The following SLC2A13 variants were observed in gnomAD, a reference collection of about 807,000 sequenced individuals.
The protein encoded by SLC2A13 is solute carrier family 2 member 13.
SLC2A13 carries 32 observed loss-of-function variants against 64.4 expected under a neutral mutation model. The observed-to-expected ratio is 0.50, with a 90% CI of 0.37 to 0.67. SLC2A13 has a LOEUF of 0.67. Ranked by LOEUF, SLC2A13 falls within the 30% of genes least tolerant of loss-of-function variation. The pLI is 0.00. For synonymous variants in SLC2A13, 338 were observed against 327.1 expected (o/e 1.03, Z -0.36); for missense variants, 743 against 829.2 (o/e 0.90, Z 1.28).
chr12:40,034,222 G>A, intron 2 of SLC2A13, among the ~76,000 whole-genome samples: 1 of 152,168 alleles, frequency 6.6e-6, no homozygotes, highest in Non-Finnish European at 1.5e-5. Flanking sequence ...CACTTTGAGA[G>A]GCACAGTAAA....
intron 6 of SLC2A13, among the ~76,000 whole-genome samples, chr12:39,850,170 G>T (rs979930540): frequency 6.6e-6 from 1 of 151,964 alleles, no homozygotes; most frequent in African/African-American, 2.4e-5. Flanking sequence ...AGGAGTCAGT[G>T]GATTTGTCCA....
intron 7 of SLC2A13, among the ~76,000 whole-genome samples, chr12:39,828,139 T>A (rs1423574473): frequency 6.6e-6 from 1 of 152,196 alleles, no homozygotes; most frequent in Non-Finnish European, 1.5e-5. Flanking sequence ...GAATTTTTCA[T>A]GGTGAACACA....
At chr12:39,842,937 C>T (rs1943213811) in intron 6 of SLC2A13, among the ~76,000 whole-genome samples, 1 of 151,942 alleles carries the variant, frequency 6.6e-6, no homozygotes, top group African/African-American at 2.4e-5. Flanking sequence ...TAGCATTTGT[C>T]AGTAGTTCAT....
intron 1 of SLC2A13, among the ~76,000 whole-genome samples, chr12:40,062,073 A>G (rs532324593): frequency 1.8e-4 from 27 of 152,250 alleles, no homozygotes; most frequent in African/African-American, 6.5e-4. Context: ...GGACCTTTTA[A>G]TAAATGGTGG....
intron 2 of SLC2A13, among the ~76,000 whole-genome samples, chr12:40,042,313 T>C (rs1263127949): frequency 6.6e-6 from 1 of 152,142 alleles, no homozygotes; most frequent in Non-Finnish European, 1.5e-5. Context: ...CCCCTCTGTA[T>C]ATATACCTAT....
At chr12:39,780,650 A>G (rs1298221657) in intron 7 of SLC2A13, among the ~76,000 whole-genome samples, 2 of 152,220 alleles carry the variant, frequency 1.3e-5, no homozygotes, top group South Asian at 2.1e-4. Context: ...AATATCACAT[A>G]TCAATCTCAA....
At chr12:39,911,849 T>C (rs1945437719) in intron 4 of SLC2A13, among the ~76,000 whole-genome samples, 1 of 152,038 alleles carries the variant, frequency 6.6e-6, no homozygotes. Flanking sequence ...AGGAAAGGAA[T>C]TAGAATCAAA....
chr12:39,874,936 G>A (rs78672763), intron 4 of SLC2A13, among the ~76,000 whole-genome samples: 2 of 152,312 alleles, frequency 1.3e-5, no homozygotes, highest in Admixed American at 6.5e-5. Flanking sequence ...AACAGTAAGG[G>A]GAGGAGCTGA....
At chr12:40,012,917 C>T (rs901246246) in intron 3 of SLC2A13, among the ~76,000 whole-genome samples, 4 of 152,114 alleles carry the variant, frequency 2.6e-5, no homozygotes, top group South Asian at 2.1e-4. Flanking sequence ...AAGAAATTTT[C>T]GCTAGGGAAT....
intron 1 of SLC2A13, among the ~76,000 whole-genome samples, chr12:40,083,410 C>T (rs1331255002): frequency 1.3e-5 from 2 of 152,166 alleles, no homozygotes; most frequent in Admixed American, 6.5e-5. Flanking sequence ...TTGCAGCATA[C>T]CAGCAAGGGA....
intron 4 of SLC2A13, among the ~76,000 whole-genome samples, chr12:39,936,545 T>C (rs542406739): frequency 1.3e-5 from 2 of 152,322 alleles, no homozygotes; most frequent in Non-Finnish European, 2.9e-5. Flanking sequence ...GTACACCAAC[T>C]TATCTTTTTA....
intron 3 of SLC2A13, among the ~76,000 whole-genome samples, chr12:39,997,116 C>T (rs1947244334): frequency 6.6e-6 from 1 of 152,182 alleles, no homozygotes; most frequent in Non-Finnish European, 1.5e-5. Context: ...GGAGGCATCA[C>T]ACTACCTGAT....
At chr12:40,015,494 T>C (rs1348466337) in intron 3 of SLC2A13, among the ~76,000 whole-genome samples, 1 of 152,182 alleles carries the variant, frequency 6.6e-6, no homozygotes, top group Non-Finnish European at 1.5e-5. Flanking sequence ...TCCTTTTGAA[T>C]AAAACTAAAG....
At position 40,041,746 on chromosome 12, in the gene SLC2A13, G is replaced by T. The variant is rs1160893187; in HGVS notation, c.716+6305C>A. On this transcript the variant is annotated intron_variant, in intron 2 of 9. Coordinates refer to ENST00000280871, the MANE Select transcript of SLC2A13 (RefSeq NM_052885.4). Reference sequence around the variant, plus strand: ...ACCTTGGCAGCAGCCTCATAACTAGGTTTCCTAAATCTACCCAAGAGGCGA... The same window carrying T: ...ACCTTGGCAGCAGCCTCATAACTAGTTTTCCTAAATCTACCCAAGAGGCGA... Among the ~76,000 whole-genome samples, 2 of 152,168 alleles carry T rather than the reference G, an allele frequency of 1.3e-5. 1 individual carries two copies. Among genetic ancestry groups the T allele is most frequent in the Middle Eastern group, 6.3e-3 (2 of 316 alleles).
chr12:39,967,997 C>A (rs950128000), intron 3 of SLC2A13, among the ~76,000 whole-genome samples: 2 of 152,120 alleles, frequency 1.3e-5, no homozygotes, highest in African/African-American at 4.8e-5. Flanking sequence ...TGCAAATTAC[C>A]TCAAAAATCT....
In SLC2A13 at chr12:39,866,044, T is replaced by C. The variant is rs191428167; in HGVS notation, c.1199-1162A>G. 8.5e-5 allele frequency among the ~76,000 whole-genome samples: 13 copies of C among 152,288 alleles called. No individual in the cohort carries two copies. In the East Asian group the frequency reaches 2.1e-3, roughly 25 times the overall value. The stretch of plus-strand genomic sequence containing the variant: ...AAATTAAAAGTTAAAAAAGAGAATA[T>C]GGCTGTGTTAGTTTGTACAACTTAT... On this transcript the variant is annotated intron_variant, in intron 5 of 9. Coordinates refer to ENST00000280871, the MANE Select transcript of SLC2A13 (RefSeq NM_052885.4).
chr12:39,907,044 C>T (rs932725704), intron 4 of SLC2A13, among the ~76,000 whole-genome samples: 2 of 151,988 alleles, frequency 1.3e-5, no homozygotes, highest in Admixed American at 1.3e-4. Flanking sequence ...GCAAATTAAC[C>T]CATAAATCAA....
chr12:39,867,436 C>T (rs577142682), intron 5 of SLC2A13, among the ~76,000 whole-genome samples: 2 of 151,828 alleles, frequency 1.3e-5, no homozygotes, highest in East Asian at 1.9e-4. Flanking sequence ...TATACATTTT[C>T]GCAATGTTGG....
At chr12:39,763,925 A>G (rs1282287315) in intron 9 of SLC2A13, among the ~76,000 whole-genome samples, 1 of 152,096 alleles carries the variant, frequency 6.6e-6, no homozygotes, top group African/African-American at 2.4e-5. Flanking sequence ...CTGGTCTCAG[A>G]GGACACTGAA....
Sources: allele counts gnomAD v4.1 joint callset (sites outside exome capture counted in the v4.1 genomes callset), GRCh38; gene constraint gnomAD v4.1.1; transcripts MANE v1.5; gene names NCBI Gene and HGNC (gene_info 2026-07-23, HGNC 2026-07-21).